KCNT1: variants seen among roughly 807,000 people sequenced by gnomAD.
The protein encoded by KCNT1 is potassium sodium-activated channel subfamily T member 1.
KCNT1 carries 78 observed loss-of-function variants against 147.8 expected under a neutral mutation model. The ratio of observed to expected loss-of-function variants is 0.53; its 90% CI spans 0.44 to 0.64. KCNT1 has a LOEUF of 0.64. Ranked by LOEUF, KCNT1 falls within the 30% of genes least tolerant of loss-of-function variation. The probability of loss-of-function intolerance (pLI) is 0.00; values close to 1 mark genes in which losing one functional copy is unlikely to be tolerated. For missense variants in KCNT1, 1,419 were observed against 1,750.3 expected, an observed-to-expected ratio of 0.81 and a Z score of 3.38; for synonymous variants, 867 against 748.8, an observed-to-expected ratio of 1.16 and a Z score of -2.58.
intron 1 of KCNT1, among the ~76,000 whole-genome samples, chr9:135,707,424 A>G (rs2131314994): frequency 6.6e-6 from 1 of 152,278 alleles, no homozygotes; most frequent in Admixed American, 6.5e-5. Flanking sequence ...CCCAGCAGCC[A>G]GCTCAGCTCG....
rs556516400 is a variant in KCNT1 at position 135,723,576 on chromosome 9, G to A, written c.254+8856G>A. Among the ~76,000 whole-genome samples the A allele has an allele frequency of 1.3e-4, 20 of 152,354 alleles. 1 individual carries two copies. The South Asian group carries it at 3.9e-3, about 30-fold the overall frequency. On this transcript the variant is annotated intron_variant, in intron 2 of 30. Transcript: ENST00000371757. Reference sequence around the variant, plus strand: ...CGACAGCTGTGCCCACGCGTCTGCTGCATGGCCATGTCTACACGGGGCCTG... The same window carrying A: ...CGACAGCTGTGCCCACGCGTCTGCTACATGGCCATGTCTACACGGGGCCTG...
In KCNT1 at chr9:135,778,418, C is replaced by T. The variant is rs992509278; in HGVS notation, c.2523-6C>T. On this transcript the variant is annotated splice_region_variant and splice_polypyrimidine_tract_variant and intron_variant, in intron 21 of 30. Coordinates refer to ENST00000371757, the MANE Select transcript of KCNT1 (RefSeq NM_020822.3). Reference sequence around the variant, plus strand: ...GTGGGCCCCTCCAGGACCGCTGTCCCCACAGGCCCGACCACCACTTCCTGG... The same window carrying T: ...GTGGGCCCCTCCAGGACCGCTGTCCTCACAGGCCCGACCACCACTTCCTGG... 55 of 1,550,626 alleles carry T rather than the reference C, an allele frequency of 3.5e-5. No individual in the cohort carries two copies. Among genetic ancestry groups the T allele is most frequent in the African/African-American group, 8.2e-5 (6 of 73,052 alleles).
In KCNT1 at chr9:135,702,359, G is replaced by T. The variant is rs758187786; in HGVS notation, c.101G>T (p.Cys34Phe). Residue 34 changes from cysteine to phenylalanine, a missense_variant, in exon 1 of 31, where the codon TGC (cysteine) becomes TTC (phenylalanine). Physicochemically the swap from Cys to Phe is radical, Grantham distance 205. This residue lies in a region of KCNT1 where 181 missense variants were observed against 155.7 expected (regional missense o/e 1.16). Transcript: ENST00000371757. Reference protein sequence around the residue: ...NRTFEFDDGQCAPRRPCAGDG... With the variant: ...NRTFEFDDGQFAPRRPCAGDG... The stretch of plus-strand genomic sequence containing the variant: ...ACCTTCGAGTTTGACGACGGCCAAT[G>T]CGCCCCCAGGTACAGTCTGCTGCGC... The T allele has an allele frequency of 6.2e-7, 1 of 1,610,954 alleles. No homozygotes were observed. The highest frequency in any genetic ancestry group is 1.1e-5 in the South Asian group (1 of 91,046).
intron 24 of KCNT1, 65 bp downstream of exon 24, chr9:135,779,535 T>C: frequency 7.9e-7 from 1 of 1,257,944 alleles, no homozygotes; most frequent in Non-Finnish European, 1.2e-6. Flanking sequence ...AGAAAGGGGC[T>C]CAGGGGAAAG....
rs1324506854 is a variant in KCNT1 at position 135,714,738 on chromosome 9, G to GGA, written c.254+19_254+20insAG. On this transcript the variant is annotated intron_variant, in intron 2 of 30. Coordinates refer to ENST00000371757, the MANE Select transcript of KCNT1 (RefSeq NM_020822.3). This position sits in a 1 kb window ranked among gnomAD's most constrained non-coding sequence, Gnocchi z 6.2. Reference sequence around the variant, plus strand: ...GACGACAGGTAGGGACCGGGCGCGGGGTGGGGGCTGGGGTCGCCGTCCCGG... The same window carrying GGA: ...GACGACAGGTAGGGACCGGGCGCGGGGAGTGGGGGCTGGGGTCGCCGTCCCGG... 2 of 1,340,866 alleles carry GGA rather than the reference G, an allele frequency of 1.5e-6. No individual in the cohort carries two copies. Among genetic ancestry groups the GGA allele is most frequent in the Non-Finnish European group, 9.7e-7 (1 of 1,030,404 alleles). 83.1% of individuals were successfully genotyped at this position (1,340,866 alleles called of 1,614,324 possible).
At chr9:135,758,354 C>A in intron 9 of KCNT1, 60 bp from the exon 10 acceptor site, 2 of 1,273,160 alleles carry the variant, frequency 1.6e-6, no homozygotes, top group South Asian at 1.2e-5. Context: ...AGTCTCTATT[C>A]ATTGGCTCCT....
chr9:135,765,226 A>T (rs62583518), intron 12 of KCNT1, 31 bp downstream of exon 12: 1 of 1,552,670 alleles, frequency 6.4e-7, no homozygotes, highest in Admixed American at 1.7e-5. Context: ...CCAGCAGACG[A>T]CTCCCTCCCG....
chr9:135,781,746 G>A (rs990892938), intron 24 of KCNT1, among the ~76,000 whole-genome samples: 17 of 152,218 alleles, frequency 1.1e-4, no homozygotes, highest in African/African-American at 3.9e-4. Context: ...GCACGACTCC[G>A]GAAGGAAAAA....
intron 18 of KCNT1, 74 bp downstream of exon 18, chr9:135,771,169 TGACCAGGTGGGATGGGA>T: frequency 8.0e-6 from 11 of 1,381,442 alleles, no homozygotes; most frequent in Non-Finnish European, 2.0e-6. Flanking sequence ...CACCGGCAGG[TGACCAGGTGGGATGGGA>T]GACCAGGCAG....
At chr9:135,784,436 G>C (rs1833853753) in intron 25 of KCNT1, 99 bp from the exon 26 acceptor site, 3 of 878,988 alleles carry the variant, frequency 3.4e-6, no homozygotes. Flanking sequence ...GTGGCCGGTG[G>C]GGTATGGACC....
chr9:135,729,085 A>G (rs1016372060), intron 2 of KCNT1, among the ~76,000 whole-genome samples: 2 of 152,196 alleles, frequency 1.3e-5, no homozygotes, highest in African/African-American at 2.4e-5. Flanking sequence ...CCCTCTTTAT[A>G]CAAAGGAGGA....
chr9:135,742,697 G>A (rs1257721617), intron 2 of KCNT1: 14 of 715,820 alleles, frequency 2.0e-5, no homozygotes, highest in South Asian at 8.9e-5. Context: ...CCATCCGTCC[G>A]TCTATCTGTC....
At chr9:135,703,381 AATG>A (rs1835114548) in intron 1 of KCNT1, among the ~76,000 whole-genome samples, 2 of 151,958 alleles carry the variant, frequency 1.3e-5, no homozygotes, top group Admixed American at 1.3e-4. Context: ...CCGAGTGTAA[AATG>A]AGGAGGTAGG....
At chr9:135,724,465 G>A (rs1002460642) in intron 2 of KCNT1, among the ~76,000 whole-genome samples, 3 of 152,270 alleles carry the variant, frequency 2.0e-5, no homozygotes, top group African/African-American at 7.2e-5. Context: ...AGGCAGGCCA[G>A]TGGTCGGCGA....
intron 1 of KCNT1, among the ~76,000 whole-genome samples, chr9:135,711,530 AG>A (rs1835487177): frequency 6.6e-6 from 1 of 152,204 alleles, no homozygotes; most frequent in Admixed American, 6.5e-5. Context: ...CTGGCTTGCC[AG>A]GGTGCCTGGC....
chr9:135,741,702 T>G (rs1830575714), intron 2 of KCNT1, among the ~76,000 whole-genome samples: 1 of 152,252 alleles, frequency 6.6e-6, no homozygotes, highest in Admixed American at 6.5e-5. Context: ...CCGGAGAGCC[T>G]GGCGTAGGCC....
At chr9:135,749,609 C>T (rs1392198329) in intron 2 of KCNT1, among the ~76,000 whole-genome samples, 2 of 152,216 alleles carry the variant, frequency 1.3e-5, no homozygotes, top group Admixed American at 1.3e-4. Flanking sequence ...AGCCTTGGAG[C>T]ACAGCCACCA....
At position 135,753,007 on chromosome 9, in the gene KCNT1, TGG is replaced by T. The variant is rs1564347336; in HGVS notation, c.435-929_435-928del. 1.8e-4 allele frequency among the ~76,000 whole-genome samples: 27 copies of T among 146,236 alleles called. No homozygotes were observed. The East Asian group carries it at 3.5e-3, about 19-fold the overall frequency. On this transcript the variant is annotated intron_variant, in intron 4 of 30. Transcript: ENST00000371757. ...ATGGTTGGAGGGATGAGTGGATGGA[TGG>T]ATGGAGGGATGGATGGATGGACAGA...
intron 2 of KCNT1, among the ~76,000 whole-genome samples, chr9:135,723,411 G>A (rs1213224199): frequency 2.0e-5 from 3 of 152,238 alleles, no homozygotes; most frequent in Admixed American, 6.5e-5. Flanking sequence ...CAGGGCCGGC[G>A]CCGGCATCCA....
Sources: gnomAD v4.1 joint callset for allele counts (sites outside exome capture counted in the v4.1 genomes callset) on GRCh38, gnomAD v4.1.1 for gene constraint, gnomAD v4.1.1 regional missense constraint, Gnocchi (gnomAD v3.1) non-coding constraint, MANE v1.5 for transcripts, NCBI Gene and HGNC (gene_info 2026-07-23, HGNC 2026-07-21) for gene names.